RGS10: variants seen among roughly 807,000 people sequenced by gnomAD.
RGS10 encodes the protein regulator of G protein signaling 10.
In RGS10, 11 loss-of-function variants were observed where a neutral mutation model predicts 23.5. That is an observed-to-expected ratio of 0.47 (90% confidence interval 0.29 to 0.77). The LOEUF (loss-of-function observed/expected upper bound fraction) is 0.77, where lower values mean the gene tolerates loss of function less well. Ranked by LOEUF, RGS10 falls within the 30% of genes least tolerant of loss-of-function variation. The pLI is 0.08. For missense variants in RGS10, 180 were observed against 226.3 expected (o/e 0.80, Z 1.31); for synonymous variants, 77 against 83.2 (o/e 0.92, Z 0.41).
intron 3 of RGS10, among the ~76,000 whole-genome samples, chr10:119,520,360 C>T (rs1261398277): frequency 6.6e-6 from 1 of 152,146 alleles, no homozygotes; most frequent in Non-Finnish European, 1.5e-5. Context: ...ACGAGAAGCG[C>T]GTCCGGAGAC....
chr10:119,500,414 A>C (rs1309251454), intron 4 of RGS10, among the ~76,000 whole-genome samples, 155 bp from the exon 5 acceptor site: 1 of 152,226 alleles, frequency 6.6e-6, no homozygotes, highest in Non-Finnish European at 1.5e-5. Context: ...CTGCTAGACA[A>C]GGCAGATTTC....
chr10:119,528,341 T>C (rs1844299847), intron 1 of RGS10, among the ~76,000 whole-genome samples: 1 of 151,892 alleles, frequency 6.6e-6, no homozygotes, highest in Non-Finnish European at 1.5e-5. Context: ...CCTCAGGCAA[T>C]ACTTTTTCAA....
intron 1 of RGS10, chr10:119,536,591 A>G: frequency 9.1e-6 from 11 of 1,207,182 alleles, no homozygotes; most frequent in Non-Finnish European, 1.3e-5. Flanking sequence ...CCGAAGAAAA[A>G]ACAAGCCTCA....
At chr10:119,514,230 G>C (rs983627681) in intron 4 of RGS10, among the ~76,000 whole-genome samples, 1 of 152,128 alleles carries the variant, frequency 6.6e-6, no homozygotes, top group East Asian at 1.9e-4. Flanking sequence ...GGTGGTGTAG[G>C]CCTGTAATCC....
chr10:119,533,409 GTAAA>G (rs1460740755), intron 1 of RGS10, among the ~76,000 whole-genome samples: 1 of 151,978 alleles, frequency 6.6e-6, no homozygotes, highest in Non-Finnish European at 1.5e-5. Context: ...AAGTAAGTAA[GTAAA>G]TAAATACATA....
chr10:119,505,710 G>C (rs527949396), intron 4 of RGS10, among the ~76,000 whole-genome samples: 1 of 152,284 alleles, frequency 6.6e-6, no homozygotes, highest in African/African-American at 2.4e-5. Flanking sequence ...ATACTCATCT[G>C]TGCAGAAACG....
chr10:119,528,243 C>G (rs1379088174), intron 1 of RGS10, among the ~76,000 whole-genome samples: 1 of 152,104 alleles, frequency 6.6e-6, no homozygotes, highest in Non-Finnish European at 1.5e-5. Context: ...GTTGGCCAGG[C>G]TGGTCTCGAA....
intron 3 of RGS10, among the ~76,000 whole-genome samples, 153 bp from the exon 4 acceptor site, chr10:119,515,805 A>G (rs1348028016): frequency 6.6e-6 from 1 of 152,054 alleles, no homozygotes; most frequent in Non-Finnish European, 1.5e-5. Context: ...TCCAGAGAGA[A>G]TTTCTATATG....
intron 4 of RGS10, among the ~76,000 whole-genome samples, chr10:119,507,362 C>T (rs546896870): frequency 5.3e-5 from 8 of 152,196 alleles, no homozygotes; most frequent in African/African-American, 1.7e-4. Context: ...AGAGAATGGG[C>T]CCCCAAATGA....
intron 4 of RGS10, among the ~76,000 whole-genome samples, chr10:119,504,053 G>T (rs532852553): frequency 6.6e-6 from 1 of 152,192 alleles, no homozygotes; most frequent in East Asian, 1.9e-4. Flanking sequence ...TCTGCCACTC[G>T]CATGGCAGGA....
intron 4 of RGS10, among the ~76,000 whole-genome samples, chr10:119,512,617 G>A (rs1366903556): frequency 1.3e-5 from 2 of 151,878 alleles, no homozygotes; most frequent in East Asian, 1.9e-4. Context: ...GCACTATCTC[G>A]GCTCAGTGCA....
chr10:119,511,121 C>T (rs140485301), intron 4 of RGS10, among the ~76,000 whole-genome samples: 1 of 152,352 alleles, frequency 6.6e-6, no homozygotes, highest in Non-Finnish European at 1.5e-5. Context: ...CTTCCTCCAA[C>T]TTAAATTTGT....
intron 3 of RGS10, among the ~76,000 whole-genome samples, chr10:119,519,678 C>T (rs371151018): frequency 2.3e-4 from 15 of 64,746 alleles, no homozygotes; most frequent in Non-Finnish European, 3.1e-4. Context: ...TCCCTGTCTG[C>T]CCCCCAGCTC....
chr10:119,507,579 C>CTT (rs35699150), intron 4 of RGS10, among the ~76,000 whole-genome samples: 13 of 64,356 alleles, frequency 2.0e-4, no homozygotes, highest in African/African-American at 7.4e-4. Flanking sequence ...TCACCCAAGG[C>CTT]TTTTTTTTTT....
intron 4 of RGS10, among the ~76,000 whole-genome samples, chr10:119,514,686 AC>A (rs1818669860): frequency 1.3e-5 from 2 of 151,172 alleles, no homozygotes; most frequent in South Asian, 4.2e-4. Flanking sequence ...GAACAAAAAC[AC>A]AGAACCAAAA....
intron 1 of RGS10, among the ~76,000 whole-genome samples, chr10:119,534,686 C>T (rs9732577): frequency 0.38 from 56,726 of 150,362 alleles, 11,935 homozygotes; most frequent in East Asian, 0.63. Flanking sequence ...GTCAAGAGAT[C>T]GAAACCATCC....
chr10:119,539,213 T>C (rs964093655), intron 1 of RGS10, among the ~76,000 whole-genome samples: 1 of 152,226 alleles, frequency 6.6e-6, no homozygotes. Context: ...CAGAGAAAGT[T>C]GTCCCAGCTG....
At chr10:119,542,529 G>C (rs1378971717) in intron 1 of RGS10, 61 bp downstream of exon 1, 2 of 1,340,540 alleles carry the variant, frequency 1.5e-6, no homozygotes, top group African/African-American at 1.5e-5. Context: ...GGGAGGGCAG[G>C]AGGCCGGGCG....
chr10:119,539,260 A>G (rs1474279943), intron 1 of RGS10, among the ~76,000 whole-genome samples: 2 of 152,252 alleles, frequency 1.3e-5, no homozygotes, highest in African/African-American at 4.8e-5. Context: ...TAAAACAAAG[A>G]CATTAAATTG....
Sources: gnomAD v4.1 joint callset for allele counts (sites outside exome capture counted in the v4.1 genomes callset) on GRCh38, gnomAD v4.1.1 for gene constraint, MANE v1.5 for transcripts, NCBI Gene and HGNC (gene_info 2026-07-23, HGNC 2026-07-21) for gene names.